TSPAN18: variants seen among roughly 807,000 people sequenced by gnomAD.
TSPAN18 encodes tetraspanin-18.
Under a neutral mutation model 27.3 loss-of-function variants are expected in TSPAN18, and 14 were observed. That is an observed-to-expected ratio of 0.51 (90% CI 0.34 to 0.80). TSPAN18 has a LOEUF of 0.80. Ranked by LOEUF, TSPAN18 falls within the 30% of genes least tolerant of loss-of-function variation. The pLI, the probability that TSPAN18 is intolerant of heterozygous loss-of-function variation, is 0.01. For missense variants in TSPAN18, 268 were observed against 323.9 expected (o/e 0.83, Z 1.32); for synonymous variants, 143 against 136.5 (o/e 1.05, Z -0.33).
At chr11:44,825,395 T>C (rs928651202) in intron 2 of TSPAN18, among the ~76,000 whole-genome samples, 1 of 152,124 alleles carries the variant, frequency 6.6e-6, no homozygotes, top group African/African-American at 2.4e-5. Flanking sequence ...TCAGTTCACA[T>C]TATTAGGAAA....
intron 2 of TSPAN18, among the ~76,000 whole-genome samples, chr11:44,780,381 A>G (rs947496807): frequency 1.3e-5 from 2 of 152,338 alleles, no homozygotes; most frequent in South Asian, 2.1e-4. Flanking sequence ...TGAGACAGGG[A>G]CAATCTGGGC....
chr11:44,823,652 A>T (rs1442644761), intron 2 of TSPAN18, among the ~76,000 whole-genome samples: 1 of 152,086 alleles, frequency 6.6e-6, no homozygotes, highest in East Asian at 1.9e-4. Context: ...CATGGATTTG[A>T]CTTGTAGCTT....
At chr11:44,738,747 A>G (rs187915499) in intron 1 of TSPAN18, among the ~76,000 whole-genome samples, 50 of 152,348 alleles carry the variant, frequency 3.3e-4, no homozygotes, top group Admixed American at 2.7e-3. Flanking sequence ...TTGCCAAAAC[A>G]TTCACATTCC....
chr11:44,731,633 T>TGTGTGTGTGAGAGA lies in TSPAN18; in HGVS notation c.-240+4347_-240+4348insTGTGTGTGAGAGAG, dbSNP rs139154582. Among the ~76,000 whole-genome samples the TGTGTGTGTGAGAGA allele has an allele frequency of 4.6e-3, 489 of 107,414 alleles. 3 individuals are homozygous for TGTGTGTGTGAGAGA. The highest frequency in any genetic ancestry group is 6.4e-3 in the South Asian group (17 of 2,672). 70.5% of individuals were successfully genotyped at this position (107,414 alleles called of 152,430 possible). A position where few individuals can be genotyped will look rare whatever the true frequency, so the allele number is the denominator to read the frequency against. On this transcript the variant is annotated intron_variant, in intron 1 of 9. Coordinates refer to ENST00000520358, the MANE Select transcript of TSPAN18 (RefSeq NM_130783.5). Reference sequence around the variant, plus strand: ...GTGTGTGTGTGTGTGTGTGTGTGTGTGAGAGAGAGAGAGAGAGAGAGAAAA... The same window carrying TGTGTGTGTGAGAGA: ...GTGTGTGTGTGTGTGTGTGTGTGTGTGTGTGTGTGAGAGAGAGAGAGAGAGAGAGAGAGAGAAAA...
chr11:44,766,560 C>T (rs977819065), intron 2 of TSPAN18, among the ~76,000 whole-genome samples: 2 of 152,182 alleles, frequency 1.3e-5, no homozygotes, highest in African/African-American at 4.8e-5. Context: ...AAGTCGTGGG[C>T]CTCAAGCCTC....
intron 8 of TSPAN18, among the ~76,000 whole-genome samples, chr11:44,921,932 C>T (rs929597017): frequency 2.0e-5 from 3 of 152,182 alleles, no homozygotes; most frequent in African/African-American, 7.2e-5. Context: ...GAGGTCCCTG[C>T]ACAGCCACAT....
chr11:44,785,688 CT>C (rs921264795), intron 2 of TSPAN18, among the ~76,000 whole-genome samples: 2 of 152,188 alleles, frequency 1.3e-5, no homozygotes, highest in Non-Finnish European at 2.9e-5. Flanking sequence ...CCCCCTGCCC[CT>C]TTCCTTTTCA....
intron 3 of TSPAN18, among the ~76,000 whole-genome samples, chr11:44,877,815 A>T (rs1002569897): frequency 6.6e-6 from 1 of 151,846 alleles, no homozygotes; most frequent in Non-Finnish European, 1.5e-5. Flanking sequence ...GGGAAAATAG[A>T]TGTCTTTGTT....
intron 2 of TSPAN18, among the ~76,000 whole-genome samples, chr11:44,766,004 C>T (rs908903135): frequency 4.6e-5 from 7 of 152,184 alleles, no homozygotes; most frequent in Admixed American, 1.3e-4. Flanking sequence ...ACCCGCTCCA[C>T]CTGCTTCCCT....
intron 4 of TSPAN18, among the ~76,000 whole-genome samples, chr11:44,909,324 C>A (rs1319427472): frequency 6.6e-6 from 1 of 152,148 alleles, no homozygotes; most frequent in African/African-American, 2.4e-5. Context: ...TGCTGTGTGA[C>A]CTTCAGCAAG....
At chr11:44,884,084 C>T (rs1366036905) in intron 3 of TSPAN18, among the ~76,000 whole-genome samples, 21 of 152,144 alleles carry the variant, frequency 1.4e-4, no homozygotes, top group Admixed American at 1.4e-3. Context: ...GCCAGGGGCC[C>T]AGCCTCCTCT....
intron 3 of TSPAN18, among the ~76,000 whole-genome samples, chr11:44,877,543 C>T (rs892992174): frequency 1.3e-5 from 2 of 152,110 alleles, no homozygotes; most frequent in Non-Finnish European, 2.9e-5. Context: ...CCATGAGGAC[C>T]CCCCGCCTCT....
At chr11:44,737,479 G>A (rs779448762) in intron 1 of TSPAN18, among the ~76,000 whole-genome samples, 5 of 152,124 alleles carry the variant, frequency 3.3e-5, no homozygotes, top group African/African-American at 9.7e-5. Context: ...ATCAATAGGC[G>A]TACCTCATTT....
intron 3 of TSPAN18, among the ~76,000 whole-genome samples, chr11:44,904,503 C>T (rs1419283100): frequency 2.0e-5 from 3 of 152,334 alleles, no homozygotes; most frequent in Admixed American, 6.5e-5. Context: ...GCAGAAACAA[C>T]GAGAGGAGGG....
chr11:44,795,319 G>A (rs1049686231), intron 2 of TSPAN18, among the ~76,000 whole-genome samples: 6 of 150,584 alleles, frequency 4.0e-5, no homozygotes, highest in Non-Finnish European at 1.5e-5. Flanking sequence ...TCCTGATGTT[G>A]GCATGAGGCG....
chr11:44,780,419 T>C (rs558700446), intron 2 of TSPAN18, among the ~76,000 whole-genome samples: 1 of 152,332 alleles, frequency 6.6e-6, no homozygotes, highest in Admixed American at 6.5e-5. Context: ...CGAGGCTGGG[T>C]ACATTTTCTG....
chr11:44,780,634 T>G (rs756385501), intron 2 of TSPAN18, among the ~76,000 whole-genome samples: 8 of 152,252 alleles, frequency 5.3e-5, no homozygotes, highest in Non-Finnish European at 8.8e-5. Context: ...CGGACTTTGA[T>G]GCTTGCTTTT....
At chr11:44,902,974 CT>C (rs1859316947) in intron 3 of TSPAN18, among the ~76,000 whole-genome samples, 1 of 152,190 alleles carries the variant, frequency 6.6e-6, no homozygotes, top group Non-Finnish European at 1.5e-5. Flanking sequence ...CTTCACACTG[CT>C]GAATTAACAC....
chr11:44,914,352 A>G (rs1287150454), intron 5 of TSPAN18, among the ~76,000 whole-genome samples: 3 of 152,186 alleles, frequency 2.0e-5, no homozygotes, highest in Admixed American at 2.0e-4. Flanking sequence ...TCCTGGCTGT[A>G]TGACCTGGGG....
Sources: gnomAD v4.1 joint callset for allele counts (sites outside exome capture counted in the v4.1 genomes callset) on GRCh38, gnomAD v4.1.1 for gene constraint, MANE v1.5 for transcripts, NCBI Gene and HGNC (gene_info 2026-07-23, HGNC 2026-07-21) for gene names.